The following GMPR variants were observed in gnomAD, a reference collection of about 807,000 sequenced individuals.
The protein encoded by GMPR is guanosine monophosphate reductase, also known as GMP reductase 1.
In GMPR, 31 loss-of-function variants were observed where a neutral mutation model predicts 38.4. The ratio of observed to expected loss-of-function variants is 0.81; its 90% CI spans 0.61 to 1.09. The LOEUF (loss-of-function observed/expected upper bound fraction) is 1.09, where lower values mean the gene tolerates loss of function less well. Among genes scored for constraint, GMPR ranks in the 50% least tolerant of loss-of-function variants. The pLI is 0.00. For missense variants in GMPR, 468 were observed against 453.7 expected (o/e 1.03, Z -0.29); for synonymous variants, 162 against 173.3 (o/e 0.93, Z 0.51).
chr6:16,250,560 G>C (rs531416001), intron 3 of GMPR, among the ~76,000 whole-genome samples, 193 bp downstream of exon 3: 2 of 152,332 alleles, frequency 1.3e-5, no homozygotes, highest in East Asian at 1.9e-4. Context: ...GGATTTATCT[G>C]TAAGAAATGT....
intron 4 of GMPR, among the ~76,000 whole-genome samples, chr6:16,269,161 C>T (rs997320647): frequency 6.6e-6 from 1 of 151,964 alleles, no homozygotes; most frequent in African/African-American, 2.4e-5. Flanking sequence ...ATTTATAAAG[C>T]ACCACCAAGA....
chr6:16,272,477 C>CAA (rs1458690902), intron 4 of GMPR, among the ~76,000 whole-genome samples: 1 of 152,140 alleles, frequency 6.6e-6, no homozygotes, highest in Non-Finnish European at 1.5e-5. Context: ...TAAATTTTCC[C>CAA]AAAAGAAATA....
At chr6:16,255,046 T>C (rs1196650925) in intron 4 of GMPR, among the ~76,000 whole-genome samples, 1 of 151,886 alleles carries the variant, frequency 6.6e-6, no homozygotes, top group Non-Finnish European at 1.5e-5. Context: ...AGTCTCACTC[T>C]GTCCACCCAG....
chr6:16,295,009 C>T lies in GMPR; in HGVS notation c.861C>T (p.Ala287=). The T allele has an allele frequency of 6.2e-7, 1 of 1,606,458 alleles. No homozygotes were observed. The highest frequency in any genetic ancestry group is 8.5e-7 in the Non-Finnish European group (1 of 1,176,196). ...KHAGGVAEYR[A]SEGKTVEVPY... is the part of the protein sequence containing the mutation. ...GAAAACTTCTATCGTCTTCCAGAGC[C>T]TCTGAGGGTAAGACTGTGGAAGTTC... The change falls in exon 9 of 9, where the codon GCC becomes GCT. Residue 287 remains alanine, a synonymous_variant. Coordinates refer to ENST00000259727, the MANE Select transcript of GMPR (RefSeq NM_006877.4).
At chr6:16,288,219 G>C (rs1324919647) in intron 7 of GMPR, among the ~76,000 whole-genome samples, 1 of 152,266 alleles carries the variant, frequency 6.6e-6, no homozygotes, top group African/African-American at 2.4e-5. Context: ...GGCCAAGGCC[G>C]GAGCCGGCTC....
intron 7 of GMPR, among the ~76,000 whole-genome samples, chr6:16,288,509 C>T (rs985940923): frequency 2.0e-5 from 3 of 151,816 alleles, no homozygotes; most frequent in African/African-American, 7.3e-5. Context: ...GGGCTCGGGA[C>T]CTGCCGCCCG....
chr6:16,277,627 A>G (rs17649130), intron 5 of GMPR, among the ~76,000 whole-genome samples: 5,138 of 152,324 alleles, frequency 0.034, 155 homozygotes, highest in Admixed American at 0.083. Context: ...TCAGCACCTG[A>G]TAACAACAGC....
chr6:16,265,641 ACTGTGTCTAGCTAAAGCAGCG>A (rs1169602073), intron 4 of GMPR, among the ~76,000 whole-genome samples: 4 of 145,766 alleles, frequency 2.7e-5, no homozygotes, highest in Non-Finnish European at 6.3e-5. Context: ...CTAAAGCAGC[ACTGTGTCTAGCTAAAGCAGCG>A]CTGTGTCTAG....
chr6:16,261,160 G>C (rs1266133945), intron 4 of GMPR, among the ~76,000 whole-genome samples: 1 of 152,010 alleles, frequency 6.6e-6, no homozygotes, highest in Non-Finnish European at 1.5e-5. Flanking sequence ...CCTGGCTCTT[G>C]TGTAAGAATT....
chr6:16,267,167 T>C (rs1024574649), intron 4 of GMPR, among the ~76,000 whole-genome samples: 48 of 152,158 alleles, frequency 3.2e-4, no homozygotes, highest in Non-Finnish European at 2.6e-4. Context: ...ATCATGACCA[T>C]CCTGGCTAAC....
At chr6:16,240,948 G>A (rs1321028067) in intron 1 of GMPR, among the ~76,000 whole-genome samples, 1 of 151,950 alleles carries the variant, frequency 6.6e-6, no homozygotes, top group East Asian at 1.9e-4. Flanking sequence ...CTGCCTGGCT[G>A]GCCACCCCCA....
Position 16,250,324 on chromosome 6 carries a change from A to G in GMPR, c.248A>G (p.Asp83Gly). Residue 83 changes from aspartate (D) to glycine (G), a missense_variant, in exon 3 of 9, where the codon GAT (aspartate) becomes GGT (glycine). Physicochemically the swap from Asp to Gly is moderately conservative, Grantham distance 94. Coordinates refer to ENST00000259727, the MANE Select transcript of GMPR (RefSeq NM_006877.4). ...FTAIHKHYSLDDWKLFATNHP... is the reference protein window; with the variant it reads ...FTAIHKHYSLGDWKLFATNHP... ...GCAATTCATAAGCATTACTCCCTGGATGACTGGAAGCTCTTTGCCACAAAT... is the reference window on the plus strand; with the variant it reads ...GCAATTCATAAGCATTACTCCCTGGGTGACTGGAAGCTCTTTGCCACAAAT... 1 of 1,611,178 alleles carries G rather than the reference A, an allele frequency of 6.2e-7. No individual in the cohort carries two copies.
chr6:16,261,821 ATC>A (rs888613781), intron 4 of GMPR, among the ~76,000 whole-genome samples: 12 of 151,872 alleles, frequency 7.9e-5, no homozygotes, highest in African/African-American at 2.9e-4. Context: ...GAGTAGAGGT[ATC>A]TTATATTTGT....
At chr6:16,284,872 T>C (rs1320592666) in intron 6 of GMPR, among the ~76,000 whole-genome samples, 2 of 151,808 alleles carry the variant, frequency 1.3e-5, no homozygotes, top group African/African-American at 4.8e-5. Flanking sequence ...GTACAAAAAT[T>C]AGCTGGGCTT....
intron 6 of GMPR, among the ~76,000 whole-genome samples, chr6:16,280,522 A>T (rs1759555643): frequency 6.6e-6 from 1 of 152,252 alleles, no homozygotes; most frequent in African/African-American, 2.4e-5. Flanking sequence ...ATATCCATTT[A>T]TTGAGCAACT....
intron 4 of GMPR, among the ~76,000 whole-genome samples, chr6:16,258,929 G>A (rs1352264276): frequency 6.6e-6 from 1 of 152,186 alleles, no homozygotes; most frequent in East Asian, 1.9e-4. Context: ...GAAGAAGCTG[G>A]CAGTTCCTGG....
At chr6:16,264,097 G>A (rs531944520) in intron 4 of GMPR, among the ~76,000 whole-genome samples, 3 of 152,088 alleles carry the variant, frequency 2.0e-5, no homozygotes, top group East Asian at 1.9e-4. Flanking sequence ...CTGAAACCCG[G>A]TAGAATAATC....
intron 6 of GMPR, among the ~76,000 whole-genome samples, chr6:16,279,823 A>C (rs914405607): frequency 2.6e-5 from 4 of 152,074 alleles, no homozygotes; most frequent in African/African-American, 9.7e-5. Flanking sequence ...AGCACTAGGG[A>C]GCTATTGCAG....
chr6:16,285,552 G>C (rs1759662324), intron 6 of GMPR, among the ~76,000 whole-genome samples: 1 of 152,232 alleles, frequency 6.6e-6, no homozygotes, highest in Non-Finnish European at 1.5e-5. Context: ...GTGGGCAGTG[G>C]GTGGTGCCAG....
Sources: allele counts gnomAD v4.1 joint callset (sites outside exome capture counted in the v4.1 genomes callset), GRCh38; gene constraint gnomAD v4.1.1; transcripts MANE v1.5; gene names NCBI Gene and HGNC (gene_info 2026-07-23, HGNC 2026-07-21).